Variants in ABTB3 observed in about 807,000 individuals in gnomAD.
ABTB3 encodes ankyrin repeat- and BTB/POZ domain-containing protein 3.
chr12:107,448,329 T>C, the ABTB3 span, among the ~76,000 whole-genome samples: 3 of 152,204 alleles, frequency 2.0e-5, no homozygotes, highest in African/African-American at 7.2e-5. Context: ...GTTGTGTTGA[T>C]TGAGTTGCTT....
At chr12:107,568,301 C>T in the ABTB3 span, among the ~76,000 whole-genome samples, 1 of 152,118 alleles carries the variant, frequency 6.6e-6, no homozygotes, top group African/African-American at 2.4e-5. Flanking sequence ...ATTATAGGCA[C>T]TCAAGAAATG....
chr12:107,556,941 G>A, the ABTB3 span, among the ~76,000 whole-genome samples: 1 of 152,082 alleles, frequency 6.6e-6, no homozygotes, highest in Admixed American at 6.5e-5. Context: ...GAACCTGGGA[G>A]GTGGAGGTTG....
chr12:107,385,266 T>C, the ABTB3 span, among the ~76,000 whole-genome samples: 69 of 152,352 alleles, frequency 4.5e-4, no homozygotes, highest in African/African-American at 1.5e-3. Flanking sequence ...TCTTGTGGGC[T>C]GGACATAGAC....
the ABTB3 span, among the ~76,000 whole-genome samples, chr12:107,425,022 T>G: frequency 9.8e-5 from 15 of 152,310 alleles, no homozygotes; most frequent in East Asian, 1.2e-3. Context: ...ACATCTTTTC[T>G]AAAATCCAGA....
the ABTB3 span, among the ~76,000 whole-genome samples, chr12:107,646,821 G>A: frequency 2.0e-5 from 3 of 152,170 alleles, no homozygotes; most frequent in Admixed American, 6.5e-5. Context: ...GATGATGCAC[G>A]ATTGCCTGAT....
chr12:107,418,374 G>A, the ABTB3 span, among the ~76,000 whole-genome samples: 472 of 152,266 alleles, frequency 3.1e-3, 3 homozygotes, highest in Non-Finnish European at 5.8e-3. Flanking sequence ...GTGATTGTGT[G>A]AGTTGATACT....
the ABTB3 span, among the ~76,000 whole-genome samples, chr12:107,407,302 C>A: frequency 6.6e-6 from 1 of 152,174 alleles, no homozygotes; most frequent in Admixed American, 6.5e-5. Context: ...TTTTGCTGCA[C>A]GACAAATCAC....
At chr12:107,319,013 G>T in the ABTB3 span, 1 of 1,613,700 alleles carries the variant, frequency 6.2e-7, no homozygotes, top group Non-Finnish European at 8.5e-7. Flanking sequence ...TTATGGTGGC[G>T]CGGCGGACTC....
At chr12:107,382,709 ATG>A in the ABTB3 span, among the ~76,000 whole-genome samples, 1 of 150,564 alleles carries the variant, frequency 6.6e-6, no homozygotes, top group South Asian at 2.1e-4. Context: ...GAGTTGAACA[ATG>A]AGAACACATG....
chr12:107,453,799 G>A, the ABTB3 span, among the ~76,000 whole-genome samples: 15 of 152,324 alleles, frequency 9.8e-5, no homozygotes, highest in African/African-American at 3.6e-4. Flanking sequence ...GGAAGGGCAA[G>A]GGTACCAACG....
At chr12:107,338,103 T>G in the ABTB3 span, among the ~76,000 whole-genome samples, 1 of 152,198 alleles carries the variant, frequency 6.6e-6, no homozygotes, top group Non-Finnish European at 1.5e-5. Context: ...ATTCAAATAC[T>G]CTATCTGAGC....
the ABTB3 span, among the ~76,000 whole-genome samples, chr12:107,629,744 T>G: frequency 1.3e-5 from 2 of 152,156 alleles, no homozygotes; most frequent in African/African-American, 2.4e-5. Flanking sequence ...TTAAATGTGC[T>G]GCTCAGAGAA....
the ABTB3 span, among the ~76,000 whole-genome samples, chr12:107,327,762 C>T: frequency 6.6e-6 from 1 of 152,194 alleles, no homozygotes; most frequent in African/African-American, 2.4e-5. Flanking sequence ...GAACTAAGTT[C>T]TATATTAGTT....
chr12:107,433,141 T>A, the ABTB3 span, among the ~76,000 whole-genome samples: 1 of 145,616 alleles, frequency 6.9e-6, no homozygotes, highest in Admixed American at 6.8e-5. Context: ...AAAAAAAAAA[T>A]TAGCCGGGCG....
At chr12:107,450,801 G>A in the ABTB3 span, among the ~76,000 whole-genome samples, 2 of 152,126 alleles carry the variant, frequency 1.3e-5, no homozygotes, top group Non-Finnish European at 2.9e-5. Flanking sequence ...GGACTGAGAG[G>A]CAGGAGGGGG....
the ABTB3 span, chr12:107,620,035 C>T: frequency 7.4e-6 from 12 of 1,614,032 alleles, no homozygotes; most frequent in Non-Finnish European, 1.0e-5. Flanking sequence ...GGATCGCCTT[C>T]CAGCAGCACC....
chr12:107,479,043 CT>C, the ABTB3 span, among the ~76,000 whole-genome samples: 2 of 152,146 alleles, frequency 1.3e-5, no homozygotes, highest in Admixed American at 1.3e-4. Flanking sequence ...TTTCACAATG[CT>C]TTGAGAATGA....
chr12:107,366,194 C>T, the ABTB3 span, among the ~76,000 whole-genome samples: 1 of 152,186 alleles, frequency 6.6e-6, no homozygotes, highest in Non-Finnish European at 1.5e-5. Context: ...CAATGTCTTT[C>T]AGTGCTTGAC....
chr12:107,558,188 C>T, the ABTB3 span, among the ~76,000 whole-genome samples: 6 of 152,248 alleles, frequency 3.9e-5, no homozygotes, highest in African/African-American at 1.4e-4. Context: ...CATAGACCAA[C>T]TGAGACAGAC....
Sources: allele counts gnomAD v4.1 joint callset (sites outside exome capture counted in the v4.1 genomes callset), GRCh38; gene constraint gnomAD v4.1.1; transcripts MANE v1.5; gene names NCBI Gene and HGNC (gene_info 2026-07-23, HGNC 2026-07-21).